TBCE: variants seen among roughly 807,000 people sequenced by gnomAD.
TBCE encodes tubulin-specific chaperone E.
Under a neutral mutation model 77.0 loss-of-function variants are expected in TBCE, and 53 were observed. The observed-to-expected ratio is 0.69, with a 90% CI of 0.55 to 0.87. The LOEUF is 0.87. Ranked by LOEUF, TBCE falls within the 40% of genes least tolerant of loss-of-function variation. The pLI, the probability that TBCE is intolerant of heterozygous loss-of-function variation, is 0.00. For synonymous variants in TBCE, 235 were observed against 241.3 expected, an observed-to-expected ratio of 0.97 and a Z score of 0.24; for missense variants, 624 against 622.4, an observed-to-expected ratio of 1.00 and a Z score of -0.03.
chr1:235,372,231 T>C (rs1677014739), intron 1 of TBCE, among the ~76,000 whole-genome samples: 1 of 152,070 alleles, frequency 6.6e-6, no homozygotes, highest in Non-Finnish European at 1.5e-5. Flanking sequence ...CTAATTTTTG[T>C]ATTTTTAGTT....
At chr1:235,412,857 G>A (rs141436798) in intron 3 of TBCE, among the ~76,000 whole-genome samples, 3,577 of 152,242 alleles carry the variant, frequency 0.023, 150 homozygotes, top group African/African-American at 0.081. Flanking sequence ...AGGCTGGAGT[G>A]CAATGGCATG....
intron 15 of TBCE, among the ~76,000 whole-genome samples, chr1:235,445,088 T>A (rs1275636914): frequency 1.3e-5 from 2 of 152,244 alleles, no homozygotes; most frequent in Non-Finnish European, 2.9e-5. Flanking sequence ...TAGCAGAGAT[T>A]CGACTATCCA....
chr1:235,380,033 A>T lies in TBCE; in HGVS notation c.-17A>T, dbSNP rs1677526425. On this transcript the variant is annotated 5_prime_UTR_variant, in exon 2 of 17. Transcript: ENST00000642610. Reference sequence around the variant, plus strand: ...TTTCTTCCTAGATCTCATATTTTGGATTCTGGATATATTATAATGAGTGAC... The same window carrying T: ...TTTCTTCCTAGATCTCATATTTTGGTTTCTGGATATATTATAATGAGTGAC... The T allele has an allele frequency of 6.2e-7, 1 of 1,600,336 alleles. No individual in the cohort carries two copies.
At position 235,448,846 on chromosome 1, in the gene TBCE, ACT is replaced by A; in HGVS notation, c.*85_*86del. On this transcript the variant is annotated 3_prime_UTR_variant, in exon 17 of 17. Coordinates refer to ENST00000642610, the MANE Select transcript of TBCE (RefSeq NM_003193.5). ...ATAAATGATTCACTGGAACAATTCT[ACT>A]GTCAAAACAAAGGGGGTTTACAACT... 9.7e-7 allele frequency: 1 copy of A among 1,032,156 alleles called. No individual in the cohort carries two copies. The highest frequency in any genetic ancestry group is 1.8e-5 in the Admixed American group (1 of 54,924). 63.9% of individuals were successfully genotyped at this position (1,032,156 alleles called of 1,614,324 possible).
chr1:235,414,656 G>C (rs748142410), intron 4 of TBCE, 38 bp downstream of exon 4: 2 of 1,600,018 alleles, frequency 1.2e-6, no homozygotes, highest in Admixed American at 3.3e-5. Context: ...GACTTTTATG[G>C]TTTTATTAAG....
intron 1 of TBCE, among the ~76,000 whole-genome samples, chr1:235,379,645 C>G (rs1342360577): frequency 6.6e-6 from 1 of 151,914 alleles, no homozygotes; most frequent in Non-Finnish European, 1.5e-5. Context: ...ACTTCTCTCC[C>G]AAACTTGAAC....
chr1:235,421,936 T>G (rs1238021374), intron 5 of TBCE, among the ~76,000 whole-genome samples: 1 of 152,174 alleles, frequency 6.6e-6, no homozygotes, highest in African/African-American at 2.4e-5. Context: ...TCTCTCCATC[T>G]GTGTGTCTGA....
intron 13 of TBCE, among the ~76,000 whole-genome samples, chr1:235,440,160 C>T (rs529070049): frequency 3.3e-5 from 5 of 152,056 alleles, no homozygotes; most frequent in Admixed American, 2.0e-4. Flanking sequence ...TTAGTAGGGA[C>T]GGGGTTTCAC....
In TBCE at chr1:235,433,188, C is replaced by G. The variant is rs1337765415; in HGVS notation, c.661-1016C>G. 3.0e-6 allele frequency: 4 copies of G among 1,314,326 alleles called. No individual in the cohort carries two copies. The Admixed American group carries it at 9.7e-5, about 32-fold the overall frequency. 81.4% of individuals were successfully genotyped at this position (1,314,326 alleles called of 1,614,324 possible). ...GCAGGATGGGTGAGTCAGATGATTC[C>G]ATTCTCTAATTGGCCATGGCCAAGG... On this transcript the variant is annotated intron_variant, in intron 7 of 16. Transcript: ENST00000642610.
intron 2 of TBCE, among the ~76,000 whole-genome samples, chr1:235,399,458 C>T (rs1378729927): frequency 2.0e-5 from 3 of 152,112 alleles, no homozygotes; most frequent in Non-Finnish European, 4.4e-5. Flanking sequence ...GAACTCTAAT[C>T]TTCTTCCACC....
chr1:235,383,670 A>T (rs1222246265), intron 2 of TBCE, among the ~76,000 whole-genome samples: 3 of 152,000 alleles, frequency 2.0e-5, no homozygotes, highest in Non-Finnish European at 4.4e-5. Context: ...TGATTTTGTA[A>T]CCTGAGACTT....
At chr1:235,409,009 CT>C (rs10565716) in intron 3 of TBCE, among the ~76,000 whole-genome samples, 81,103 of 138,460 alleles carry the variant, frequency 0.59, 23,604 homozygotes, top group African/African-American at 0.68. Context: ...AACAGCCAAT[CT>C]TTTTTTTTTT....
intron 5 of TBCE, among the ~76,000 whole-genome samples, chr1:235,422,951 G>A (rs887400716): frequency 2.6e-5 from 4 of 152,208 alleles, no homozygotes; most frequent in African/African-American, 9.6e-5. Flanking sequence ...CTTTTCTGGA[G>A]AAAAATGTCC....
intron 5 of TBCE, among the ~76,000 whole-genome samples, chr1:235,426,382 G>A (rs1443571832): frequency 1.3e-5 from 2 of 152,118 alleles, no homozygotes; most frequent in Non-Finnish European, 2.9e-5. Context: ...TTGCACATGT[G>A]TCCCAAGTTG....
chr1:235,381,403 G>T (rs1482822305), intron 2 of TBCE, among the ~76,000 whole-genome samples: 1 of 151,732 alleles, frequency 6.6e-6, no homozygotes, highest in Non-Finnish European at 1.5e-5. Context: ...GATTTGCTTG[G>T]GCCGGGCACG....
intron 1 of TBCE, among the ~76,000 whole-genome samples, chr1:235,376,858 C>T (rs966236891): frequency 2.0e-5 from 3 of 152,044 alleles, no homozygotes; most frequent in African/African-American, 7.2e-5. Flanking sequence ...CCTGTAATCC[C>T]AGTTACTCAG....
At chr1:235,433,119 G>GT (rs1681203854) in intron 7 of TBCE, 2 of 1,488,130 alleles carry the variant, frequency 1.3e-6, no homozygotes, top group Non-Finnish European at 1.8e-6. Context: ...TCACGGGCAG[G>GT]TTTAACAGCC....
At chr1:235,444,241 A>C (rs74151509) in intron 15 of TBCE, among the ~76,000 whole-genome samples, 6,139 of 152,248 alleles carry the variant, frequency 0.04, 260 homozygotes, top group African/African-American at 0.11. Context: ...TTATTTATTC[A>C]CAATCCAGTT....
At chr1:235,435,982 T>C (rs1346048004) in intron 9 of TBCE, 142 bp downstream of exon 9, 1 of 799,052 alleles carries the variant, frequency 1.3e-6, no homozygotes, top group Non-Finnish European at 2.1e-6. Context: ...TTTGGGAAAT[T>C]TTCATTTGAA....
Sources: gnomAD v4.1 joint callset for allele counts (sites outside exome capture counted in the v4.1 genomes callset) on GRCh38, gnomAD v4.1.1 for gene constraint, MANE v1.5 for transcripts, NCBI Gene and HGNC (gene_info 2026-07-23, HGNC 2026-07-21) for gene names.